The following FMN2 variants were observed in gnomAD, a reference collection of about 807,000 sequenced individuals.
FMN2 encodes formin 2.
A neutral mutation model predicts 142.3 loss-of-function variants in FMN2; 51 were observed. The ratio of observed to expected loss-of-function variants is 0.36; its 90% CI spans 0.29 to 0.45. FMN2 has a LOEUF of 0.45. Among genes scored for constraint, FMN2 ranks in the 20% least tolerant of loss-of-function variants. The pLI, the probability that FMN2 is intolerant of heterozygous loss-of-function variation, is 1.00. For synonymous variants in FMN2, 882 were observed against 869.8 expected, an observed-to-expected ratio of 1.01 and a Z score of -0.25; for missense variants, 1,936 against 2,122.8, an observed-to-expected ratio of 0.91 and a Z score of 1.73.
At chr1:240,464,747 T>G (rs1676558036) in intron 16 of FMN2, among the ~76,000 whole-genome samples, 1 of 152,170 alleles carries the variant, frequency 6.6e-6, no homozygotes, top group Non-Finnish European at 1.5e-5. Flanking sequence ...CACAGCATGA[T>G]GTCCTACTTC....
intron 14 of FMN2, among the ~76,000 whole-genome samples, chr1:240,385,409 G>T (rs1673373665): frequency 6.6e-6 from 1 of 152,130 alleles, no homozygotes; most frequent in Admixed American, 6.6e-5. Flanking sequence ...TCTTAGCAAA[G>T]AAAAAGGAAA....
chr1:240,202,787 G>A (rs939415605), intron 4 of FMN2, among the ~76,000 whole-genome samples: 1 of 152,064 alleles, frequency 6.6e-6, no homozygotes, highest in African/African-American at 2.4e-5. Context: ...CTCTGTGTGT[G>A]TATGTGTTTA....
intron 16 of FMN2, among the ~76,000 whole-genome samples, chr1:240,442,364 G>A (rs1675651886): frequency 6.6e-6 from 1 of 152,176 alleles, no homozygotes; most frequent in Non-Finnish European, 1.5e-5. Context: ...GTGGTACCGT[G>A]GTTAGCTTAG....
Position 240,093,056 on chromosome 1 carries a change from A to T in FMN2, c.947A>T (p.Asp316Val). 1 of 1,388,800 alleles carries T rather than the reference A, an allele frequency of 7.2e-7. No homozygotes were observed. Among genetic ancestry groups the T allele is most frequent in the Non-Finnish European group, 9.3e-7 (1 of 1,080,794 alleles). 86.0% of individuals were successfully genotyped at this position (1,388,800 alleles called of 1,614,324 possible). A position where few individuals can be genotyped will look rare whatever the true frequency, so the allele number is the denominator to read the frequency against. Residue 316 changes from aspartate to valine, a missense_variant, in exon 1 of 18, where the codon GAC becomes GTC. Physicochemically the swap from Asp to Val is radical, Grantham distance 152 (BLOSUM62 -3). Around this residue, in one of 8 missense-constraint regions of FMN2, gnomAD observed 751 missense variants for 791.8 expected, o/e 0.95. Coordinates refer to ENST00000319653, the MANE Select transcript of FMN2 (RefSeq NM_020066.5). ...SLPAAQPAAK[D>V]SPSSTAFPFP... ...CCGGCAGCGCAACCCGCGGCCAAAG[A>T]CTCGCCCTCCTCCACGGCTTTCCCA...
At chr1:240,410,290 C>A (rs548736636) in intron 15 of FMN2, among the ~76,000 whole-genome samples, 2 of 152,270 alleles carry the variant, frequency 1.3e-5, no homozygotes, top group Admixed American at 6.5e-5. Context: ...AGTCCCAGAT[C>A]AGAAGCAAAC....
At chr1:240,406,475 A>G (rs1181047409) in intron 15 of FMN2, among the ~76,000 whole-genome samples, 4 of 152,232 alleles carry the variant, frequency 2.6e-5, no homozygotes, top group African/African-American at 7.2e-5. Flanking sequence ...CAACGCTGGC[A>G]TTCAAATCCA....
chr1:240,175,807 A>G (rs753005760), intron 2 of FMN2, among the ~76,000 whole-genome samples: 1 of 152,136 alleles, frequency 6.6e-6, no homozygotes, highest in Non-Finnish European at 1.5e-5. Flanking sequence ...GATTAGTGAT[A>G]TTGAGCATCT....
chr1:240,348,370 C>T (rs548677151), intron 13 of FMN2, among the ~76,000 whole-genome samples: 4 of 151,850 alleles, frequency 2.6e-5, no homozygotes, highest in African/African-American at 7.2e-5. Flanking sequence ...TACAGGCACC[C>T]GCCACCATGC....
chr1:240,109,047 A>C (rs1234742378), intron 1 of FMN2, among the ~76,000 whole-genome samples: 2 of 152,154 alleles, frequency 1.3e-5, no homozygotes, highest in Non-Finnish European at 2.9e-5. Flanking sequence ...AAAACACCCC[A>C]AAAAACCCAA....
At chr1:240,244,770 C>G (rs1306123869) in intron 6 of FMN2, among the ~76,000 whole-genome samples, 1 of 152,148 alleles carries the variant, frequency 6.6e-6, no homozygotes, top group East Asian at 1.9e-4. Context: ...ATTGACTTTT[C>G]AGAAGGTTGA....
chr1:240,241,825 CTTTTTTTTTTTTTTT>C (rs71567282), intron 6 of FMN2, among the ~76,000 whole-genome samples: 78 of 96,226 alleles, frequency 8.1e-4, no homozygotes, highest in Middle Eastern at 5.0e-3. Flanking sequence ...GTGTGCCTTG[CTTTTTTTTTTTTTTT>C]TTTTTTTTTT....
At chr1:240,297,459 T>C (rs1461091479) in intron 8 of FMN2, among the ~76,000 whole-genome samples, 1 of 151,622 alleles carries the variant, frequency 6.6e-6, no homozygotes, top group East Asian at 2.0e-4. Context: ...CCAGGCATGG[T>C]GGCCCGGGCA....
At chr1:240,424,379 A>G (rs1674867681) in intron 15 of FMN2, among the ~76,000 whole-genome samples, 2 of 152,188 alleles carry the variant, frequency 1.3e-5, no homozygotes, top group South Asian at 4.1e-4. Flanking sequence ...AGAAATGGGT[A>G]AGGGTGATCA....
At chr1:240,261,777 G>A (rs1204658370) in intron 7 of FMN2, among the ~76,000 whole-genome samples, 1 of 152,158 alleles carries the variant, frequency 6.6e-6, no homozygotes, top group East Asian at 1.9e-4. Context: ...AATTACCTGT[G>A]TGTGTGTTAG....
intron 7 of FMN2, among the ~76,000 whole-genome samples, chr1:240,262,792 C>T (rs1193963495): frequency 7.4e-6 from 1 of 135,656 alleles, no homozygotes; most frequent in African/African-American, 2.8e-5. Context: ...GACAGAGTCT[C>T]ACTCTGTCAT....
At chr1:240,388,118 C>CA (rs1320554388) in intron 14 of FMN2, among the ~76,000 whole-genome samples, 1 of 137,922 alleles carries the variant, frequency 7.3e-6, no homozygotes, top group Non-Finnish European at 1.5e-5. Flanking sequence ...GTGGAGCTTG[C>CA]AGTGAGCTGA....
intron 2 of FMN2, among the ~76,000 whole-genome samples, chr1:240,147,492 A>AC (rs1553332446): frequency 6.7e-6 from 1 of 149,630 alleles, no homozygotes; most frequent in Non-Finnish European, 1.5e-5. Context: ...CAAAAGAGTG[A>AC]TTTTTTTTTT....
intron 6 of FMN2, 94 bp from the exon 7 acceptor site, chr1:240,257,851 T>A: frequency 9.7e-7 from 1 of 1,032,292 alleles, no homozygotes; most frequent in South Asian, 1.4e-5. Flanking sequence ...ATCTTTTCTC[T>A]GAATTTGTTC....
At chr1:240,155,744 G>C (rs1304609251) in intron 2 of FMN2, among the ~76,000 whole-genome samples, 1 of 151,796 alleles carries the variant, frequency 6.6e-6, no homozygotes, top group Non-Finnish European at 1.5e-5. Flanking sequence ...CAGATTAGAT[G>C]GGCAATTCTT....
Sources: gnomAD v4.1 joint callset for allele counts (sites outside exome capture counted in the v4.1 genomes callset) on GRCh38, gnomAD v4.1.1 for gene constraint, gnomAD v4.1.1 regional missense constraint, MANE v1.5 for transcripts, NCBI Gene and HGNC (gene_info 2026-07-23, HGNC 2026-07-21) for gene names.